SMARCB1: variants seen among roughly 807,000 people sequenced by gnomAD.
SMARCB1 encodes the protein SWI/SNF related BAF chromatin remodeling complex subunit B1.
A neutral mutation model predicts 49.0 loss-of-function variants in SMARCB1; 5 were observed. That is an observed-to-expected ratio of 0.10 (90% confidence interval 0.05 to 0.21). The LOEUF (loss-of-function observed/expected upper bound fraction) is 0.21, where lower values mean the gene tolerates loss of function less well. Among genes scored for constraint, SMARCB1 ranks in the 10% least tolerant of loss-of-function variants. The pLI is 1.00. For synonymous variants in SMARCB1, 201 were observed against 200.1 expected, an observed-to-expected ratio of 1.00 and a Z score of -0.04; for missense variants, 226 against 509.2, an observed-to-expected ratio of 0.44 and a Z score of 5.35.
chr22:23,828,091 C>T (rs1447217235), intron 7 of SMARCB1, among the ~76,000 whole-genome samples: 1 of 152,136 alleles, frequency 6.6e-6, no homozygotes, highest in East Asian at 1.9e-4. Context: ...CTCGCTCTGT[C>T]GCCCAGGCTG....
At chr22:23,795,905 C>G (rs930449923) in intron 3 of SMARCB1, among the ~76,000 whole-genome samples, 1 of 151,030 alleles carries the variant, frequency 6.6e-6, no homozygotes, top group Non-Finnish European at 1.5e-5. Context: ...ATTCTCTTGC[C>G]TCAGCCTCTG....
At chr22:23,793,772 A>G (rs1000109018) in intron 3 of SMARCB1, 84 bp downstream of exon 3, 10 of 1,236,098 alleles carry the variant, frequency 8.1e-6, no homozygotes, top group Non-Finnish European at 1.2e-5. Context: ...TTGAAGTTAA[A>G]TTGAAACACT....
Position 23,834,147 on chromosome 22 carries a change from G to T in SMARCB1, c.1125G>T (p.Met375Ile). ...CTCCCCACTCCTCTTCCAGGCGGAT[G>T]AGGCGTCTTGCCAACACGGCCCCGG... ...IRDQDRNTRR[M>I]RRLANTAPAW Residue 375 changes from methionine to isoleucine, a missense_variant, in exon 9 of 9, where the codon ATG becomes ATT. Met to Ile is a conservative substitution (Grantham distance 10). Around this residue, in one of 6 missense-constraint regions of SMARCB1, gnomAD observed 15 missense variants for 17.0 expected, o/e 0.88. Transcript: ENST00000644036. 1 of 1,592,472 alleles carries T rather than the reference G, an allele frequency of 6.3e-7. No individual in the cohort carries two copies. The highest frequency in any genetic ancestry group is 8.5e-7 in the Non-Finnish European group (1 of 1,169,828).
At chr22:23,832,106 G>C (rs2030686429) in intron 7 of SMARCB1, among the ~76,000 whole-genome samples, 1 of 152,174 alleles carries the variant, frequency 6.6e-6, no homozygotes, top group East Asian at 1.9e-4. Context: ...GCAGCACTGA[G>C]CCCAACCTGG....
Position 23,834,394 on chromosome 22 carries a change from C to CCCCCCCCT in SMARCB1, c.*215_*216insCCCCCCTC. On this transcript the variant is annotated 3_prime_UTR_variant, in exon 9 of 9. Transcript: ENST00000644036. ...CCCACCCCACCCTCCCTACCCCTCC[C>CCCCCCCCT]CAGTCTCTGGGGTCAGGAAGAAACC... 1.4e-6 allele frequency: 1 copy of CCCCCCCCT among 703,544 alleles called. No homozygotes were observed. The highest frequency in any genetic ancestry group is 2.6e-6 in the Non-Finnish European group (1 of 387,674). The allele number at this position is 703,544 out of a possible 1,614,324, so 43.6% of individuals were successfully genotyped here.
chr22:23,787,296 T>A, intron 1 of SMARCB1, 34 bp downstream of exon 1: 1 of 1,381,722 alleles, frequency 7.2e-7, no homozygotes, highest in Non-Finnish European at 1.0e-6. Flanking sequence ...CTCCCCGGGC[T>A]CGGCCCCGCG....
At chr22:23,814,896 G>T (rs1930093356) in intron 5 of SMARCB1, 1 of 151,696 alleles carries the variant, frequency 6.6e-6, no homozygotes, top group Non-Finnish European at 1.5e-5. Flanking sequence ...CTTGAACCCA[G>T]GAGGCCGAGG....
chr22:23,791,729 T>C (rs374556119), intron 1 of SMARCB1, 27 bp from the exon 2 acceptor site: 38 of 1,612,352 alleles, frequency 2.4e-5, no homozygotes, highest in African/African-American at 1.9e-4. Flanking sequence ...GCGACCCTTA[T>C]AATGAGCCTT....
At chr22:23,830,649 CTT>C (rs56800497) in intron 7 of SMARCB1, among the ~76,000 whole-genome samples, 31 of 95,412 alleles carry the variant, frequency 3.2e-4, no homozygotes, top group African/African-American at 9.9e-4. Flanking sequence ...TCCAATTTAT[CTT>C]TTTTTTTTTT....
chr22:23,836,726 C>G lies in SMARCB1; in HGVS notation c.*2546C>G. Reference sequence around the variant, plus strand: ...AGATGGGGAAGCCAGTGCTGTGGGCCAAGAGACTGCAGCTCATTCTGTTTA... The same window carrying G: ...AGATGGGGAAGCCAGTGCTGTGGGCGAAGAGACTGCAGCTCATTCTGTTTA... On this transcript the variant is annotated 3_prime_UTR_variant, in exon 9 of 9. Transcript: ENST00000644036. The G allele has an allele frequency of 7.4e-7, 1 of 1,358,444 alleles. No individual in the cohort carries two copies. Among genetic ancestry groups the G allele is most frequent in the East Asian group, 2.9e-5 (1 of 34,064 alleles). The allele number at this position is 1,358,444 out of a possible 1,614,324, so 84.1% of individuals were successfully genotyped here.
At chr22:23,797,808 G>A (rs1442376347) in intron 3 of SMARCB1, among the ~76,000 whole-genome samples, 3 of 149,920 alleles carry the variant, frequency 2.0e-5, no homozygotes, top group Non-Finnish European at 4.4e-5. Context: ...TAGTAGAGAC[G>A]GGGTTTCACC....
At chr22:23,787,515 G>T (rs894377824) in intron 1 of SMARCB1, among the ~76,000 whole-genome samples, 1 of 152,212 alleles carries the variant, frequency 6.6e-6, no homozygotes, top group African/African-American at 2.4e-5. Flanking sequence ...GCCGCGAGGG[G>T]CCCCAGTGGT....
In SMARCB1 at chr22:23,837,145, A is replaced by G; in HGVS notation, c.*2965A>G. On this transcript the variant is annotated 3_prime_UTR_variant, in exon 9 of 9. Coordinates refer to ENST00000644036, the MANE Select transcript of SMARCB1 (RefSeq NM_003073.5). ...CTCCAGGAAGTAGTAGATATGGCCC[A>G]CCGCAATCCCTGTGAGACAGCCACG... 6.2e-7 allele frequency: 1 copy of G among 1,613,848 alleles called. No homozygotes were observed. The highest frequency in any genetic ancestry group is 8.5e-7 in the Non-Finnish European group (1 of 1,179,884).
In SMARCB1 at chr22:23,795,587, C is replaced by T. The variant is rs1033015624; in HGVS notation, c.362+1899C>T. On this transcript the variant is annotated intron_variant, in intron 3 of 8. Coordinates refer to ENST00000644036, the MANE Select transcript of SMARCB1 (RefSeq NM_003073.5). ...AGGAGAATCACTTGGACCCGGGAGG[C>T]GGAGGTTGCGGTGAGCCGAGGTTGC... Among the ~76,000 whole-genome samples the T allele has an allele frequency of 7.9e-5, 12 of 151,640 alleles. No homozygotes were observed. The East Asian group carries it at 2.2e-3, about 27-fold the overall frequency.
At chr22:23,810,544 A>G (rs1277240759) in intron 5 of SMARCB1, among the ~76,000 whole-genome samples, 22 of 150,622 alleles carry the variant, frequency 1.5e-4, no homozygotes, top group African/African-American at 4.1e-4. Context: ...AAAAAAAAAA[A>G]AAAGAAAGAA....
At chr22:23,819,595 G>A (rs990307454) in intron 6 of SMARCB1, among the ~76,000 whole-genome samples, 1 of 151,940 alleles carries the variant, frequency 6.6e-6, no homozygotes, top group African/African-American at 2.4e-5. Context: ...TGCCCACCTC[G>A]GCCTCCTAAA....
chr22:23,833,590 A>C lies in SMARCB1; in HGVS notation c.1005A>C (p.Thr335=), dbSNP rs2030785991. 6.2e-7 allele frequency: 1 copy of C among 1,614,198 alleles called. No individual in the cohort carries two copies. Among genetic ancestry groups the C allele is most frequent in the South Asian group, 1.1e-5 (1 of 91,088 alleles). The change falls in exon 8 of 9, where the codon ACA becomes ACC. Residue 335 remains threonine, a synonymous_variant. Transcript: ENST00000644036. ...TYAFSENPLP[T]VEIAIRNTGD... is the part of the protein sequence containing the mutation. Reference sequence around the variant, plus strand: ...CTCGTAGCGAGAACCCTCTGCCCACAGTGGAGATTGCCATCCGGAACACGG... The same window carrying C: ...CTCGTAGCGAGAACCCTCTGCCCACCGTGGAGATTGCCATCCGGAACACGG...
Position 23,834,753 on chromosome 22 carries a change from G to A in SMARCB1, c.*573G>A. On this transcript the variant is annotated 3_prime_UTR_variant, in exon 9 of 9. Transcript: ENST00000644036. The stretch of plus-strand genomic sequence containing the variant: ...TTCCAGACCCAGAGAGCTGAGAAGA[G>A]TAGCTGTGAGGCTCAGGGCAAGAGG... 3 of 1,472,138 alleles carry A rather than the reference G, an allele frequency of 2.0e-6. No homozygotes were observed. The highest frequency in any genetic ancestry group is 2.7e-6 in the Non-Finnish European group (3 of 1,116,746). 91.2% of individuals were successfully genotyped at this position (1,472,138 alleles called of 1,614,324 possible).
chr22:23,797,233 C>T (rs1251948017), intron 3 of SMARCB1, among the ~76,000 whole-genome samples: 12 of 149,660 alleles, frequency 8.0e-5, no homozygotes, highest in Non-Finnish European at 1.8e-4. Context: ...CTCCTGACCT[C>T]GTGATCCGCC....
Sources: gnomAD v4.1 joint callset for allele counts (sites outside exome capture counted in the v4.1 genomes callset) on GRCh38, gnomAD v4.1.1 for gene constraint, gnomAD v4.1.1 regional missense constraint, MANE v1.5 for transcripts, NCBI Gene and HGNC (gene_info 2026-07-23, HGNC 2026-07-21) for gene names.